Variants in CACHD1 observed in about 807,000 individuals in gnomAD.
CACHD1 encodes cache domain containing 1, also known as VWFA and cache domain-containing protein 1.
Under a neutral mutation model 138.7 loss-of-function variants are expected in CACHD1, and 71 were observed. The ratio of observed to expected loss-of-function variants is 0.51; its 90% CI spans 0.42 to 0.62. The LOEUF is 0.62. Ranked by LOEUF, CACHD1 falls within the 20% of genes least tolerant of loss-of-function variation. CACHD1 has a pLI of 0.00. For missense variants in CACHD1, 1,389 were observed against 1,625.3 expected, an observed-to-expected ratio of 0.85 and a Z score of 2.50; for synonymous variants, 578 against 591.5, an observed-to-expected ratio of 0.98 and a Z score of 0.33.
chr1:64,599,104 C>G (rs1647189242), intron 3 of CACHD1, among the ~76,000 whole-genome samples: 1 of 151,840 alleles, frequency 6.6e-6, no homozygotes, highest in African/African-American at 2.4e-5. Flanking sequence ...AGAAAGTGGC[C>G]CCTCACCAGA....
intron 2 of CACHD1, among the ~76,000 whole-genome samples, chr1:64,573,875 A>G (rs1487900307): frequency 1.3e-5 from 2 of 152,246 alleles, no homozygotes; most frequent in African/African-American, 4.8e-5. Context: ...GTAAAGTCAC[A>G]TGTCACACAG....
chr1:64,602,965 TTGAATAAACATATTGCTTCAA>T, intron 4 of CACHD1, 53 bp downstream of exon 4: 1 of 1,151,322 alleles, frequency 8.7e-7, no homozygotes, highest in Non-Finnish European at 1.3e-6. Flanking sequence ...TGCATTCAAG[TTGAATAAACATATTGCTTCAA>T]TTTTTTTTTT....
intron 7 of CACHD1, among the ~76,000 whole-genome samples, chr1:64,638,517 TGACA>T (rs1260107904): frequency 6.6e-6 from 1 of 152,222 alleles, no homozygotes; most frequent in Non-Finnish European, 1.5e-5. Flanking sequence ...GATCTTTAAC[TGACA>T]GCATTAACAT....
chr1:64,657,315 A>G (rs1419574904), intron 12 of CACHD1, among the ~76,000 whole-genome samples: 1 of 152,182 alleles, frequency 6.6e-6, no homozygotes, highest in Non-Finnish European at 1.5e-5. Flanking sequence ...AGAAAGACCT[A>G]TATTGAAATC....
chr1:64,575,051 C>A (rs533773448), intron 2 of CACHD1, among the ~76,000 whole-genome samples: 1 of 152,192 alleles, frequency 6.6e-6, no homozygotes, highest in South Asian at 2.1e-4. Flanking sequence ...AAATTTAGAC[C>A]CCACAATATT....
intron 4 of CACHD1, among the ~76,000 whole-genome samples, chr1:64,621,685 C>T (rs570999540): frequency 6.6e-6 from 1 of 152,270 alleles, no homozygotes; most frequent in South Asian, 2.1e-4. Flanking sequence ...AAAGAATTTT[C>T]CCCGGCCTAA....
At chr1:64,570,556 T>C (rs897358329) in intron 2 of CACHD1, among the ~76,000 whole-genome samples, 2 of 152,086 alleles carry the variant, frequency 1.3e-5, no homozygotes, top group African/African-American at 4.8e-5. Context: ...AAACAGCCAA[T>C]AGAAAGCAGG....
intron 6 of CACHD1, 114 bp downstream of exon 6, chr1:64,632,857 T>A: frequency 8.5e-7 from 1 of 1,181,812 alleles, no homozygotes; most frequent in South Asian, 1.4e-5. Context: ...TGGGGTTACA[T>A]CCTGATAAAT....
At chr1:64,531,495 TTGTGTGTGTGTGTGTGTGTG>T (rs68180558) in intron 1 of CACHD1, among the ~76,000 whole-genome samples, 3 of 146,780 alleles carry the variant, frequency 2.0e-5, no homozygotes, top group African/African-American at 5.0e-5. Flanking sequence ...ATGAATGTGG[TTGTGTGTGTGTGTGTGTGTG>T]TGTGTGTGTG....
At chr1:64,494,673 G>T (rs968073034) in intron 1 of CACHD1, among the ~76,000 whole-genome samples, 2 of 152,118 alleles carry the variant, frequency 1.3e-5, no homozygotes, top group African/African-American at 4.8e-5. Context: ...GACAGGATAT[G>T]GTTGCTTAAA....
At chr1:64,561,324 C>T (rs1034209233) in intron 2 of CACHD1, among the ~76,000 whole-genome samples, 15 of 151,866 alleles carry the variant, frequency 9.9e-5, no homozygotes, top group African/African-American at 3.6e-4. Context: ...ATTACATCTG[C>T]GTATATTACA....
intron 4 of CACHD1, among the ~76,000 whole-genome samples, chr1:64,623,777 T>C (rs1647999541): frequency 6.6e-6 from 1 of 152,200 alleles, no homozygotes; most frequent in African/African-American, 2.4e-5. Flanking sequence ...CATGTGTCTG[T>C]CTGAGGTAGG....
chr1:64,614,416 A>G (rs1490908269), intron 4 of CACHD1, among the ~76,000 whole-genome samples: 1 of 151,730 alleles, frequency 6.6e-6, no homozygotes, highest in Non-Finnish European at 1.5e-5. Flanking sequence ...TGTGGTCTAG[A>G]CACCTGGATG....
At chr1:64,649,260 G>T (rs778958416) in intron 9 of CACHD1, among the ~76,000 whole-genome samples, 1 of 152,060 alleles carries the variant, frequency 6.6e-6, no homozygotes, top group African/African-American at 2.4e-5. Context: ...GCAGTGGTGT[G>T]ATCATAGTTC....
At chr1:64,545,311 A>G (rs775140260) in intron 1 of CACHD1, among the ~76,000 whole-genome samples, 1 of 152,196 alleles carries the variant, frequency 6.6e-6, no homozygotes, top group Non-Finnish European at 1.5e-5. Context: ...GTAACCAGCA[A>G]CCACATCAAG....
chr1:64,603,097 A>ATTTTTTTTTTTTTTT (rs1557514804), intron 4 of CACHD1, among the ~76,000 whole-genome samples, 185 bp downstream of exon 4: 1 of 134,844 alleles, frequency 7.4e-6, no homozygotes. Flanking sequence ...TCAAGCTTAC[A>ATTTTTTTTTTTTTTT]TCTTTTTTTT....
At chr1:64,547,849 C>T (rs1646729546) in intron 1 of CACHD1, among the ~76,000 whole-genome samples, 2 of 152,132 alleles carry the variant, frequency 1.3e-5, no homozygotes, top group African/African-American at 4.8e-5. Context: ...TGGTGATAGC[C>T]CCGAACTATA....
chr1:64,511,853 G>T (rs949824725), intron 1 of CACHD1, among the ~76,000 whole-genome samples: 1 of 152,168 alleles, frequency 6.6e-6, no homozygotes, highest in African/African-American at 2.4e-5. Context: ...CTTGAAATGG[G>T]CTTTCTCAGC....
intron 1 of CACHD1, among the ~76,000 whole-genome samples, chr1:64,539,888 T>A (rs1050123032): frequency 1.3e-5 from 2 of 152,238 alleles, no homozygotes; most frequent in Non-Finnish European, 2.9e-5. Flanking sequence ...TGACAGCACC[T>A]TGGGCCTGTG....
Sources: gnomAD v4.1 joint callset for allele counts (sites outside exome capture counted in the v4.1 genomes callset) on GRCh38, gnomAD v4.1.1 for gene constraint, MANE v1.5 for transcripts, NCBI Gene and HGNC (gene_info 2026-07-23, HGNC 2026-07-21) for gene names.